The following PCDH1 variants were observed in gnomAD, a reference collection of about 807,000 sequenced individuals.
PCDH1 encodes protocadherin-1.
Under a neutral mutation model 74.6 loss-of-function variants are expected in PCDH1, and 23 were observed. The ratio of observed to expected loss-of-function variants is 0.31; its 90% confidence interval spans 0.22 to 0.44. The LOEUF (loss-of-function observed/expected upper bound fraction) is 0.44. Among genes scored for constraint, PCDH1 ranks in the 20% least tolerant of loss-of-function variants. The pLI is 1.00. For missense variants in PCDH1, 1,214 were observed against 1,641.4 expected (o/e 0.74, Z 4.50); for synonymous variants, 647 against 686.1 (o/e 0.94, Z 0.89).
rs1752957749 is a variant in PCDH1 at position 141,868,538 on chromosome 5, C to T, written c.903+31G>A. 7.9e-6 allele frequency: 12 copies of T among 1,518,020 alleles called. No homozygotes were observed. The highest frequency in any genetic ancestry group is 9.7e-6 in the Non-Finnish European group (11 of 1,135,202). The allele number at this position is 1,518,020 out of a possible 1,614,324, so 94.0% of individuals were successfully genotyped here. On this transcript the variant is annotated intron_variant, in intron 2 of 4. Coordinates refer to ENST00000287008, the MANE Select transcript of PCDH1 (RefSeq NM_032420.5). This position sits in a 1 kb window ranked among gnomAD's most constrained non-coding sequence, Gnocchi z 4.8. ...GGCTCCCATTTCTAGTGGTGGGTCA[C>T]CCTGACAGTTATACGGAGGGGGCCT...
At chr5:141,854,458 G>T in intron 4 of PCDH1, 22 bp from the exon 5 acceptor site, 1 of 1,576,618 alleles carries the variant, frequency 6.3e-7, no homozygotes, top group Non-Finnish European at 8.6e-7. Flanking sequence ...AGCGGGGAAG[G>T]ACAATTGTCA....
At chr5:141,875,064 C>G (rs986569464) in intron 1 of PCDH1, among the ~76,000 whole-genome samples, 1 of 152,192 alleles carries the variant, frequency 6.6e-6, no homozygotes, top group African/African-American at 2.4e-5. Flanking sequence ...TTTTCTGAAC[C>G]TGTTTCCATA....
chr5:141,858,397 A>T (rs1752442994), intron 3 of PCDH1, among the ~76,000 whole-genome samples: 1 of 152,156 alleles, frequency 6.6e-6, no homozygotes. Flanking sequence ...AGGGCATGGC[A>T]CCCATTAGGG....
In PCDH1 at chr5:141,869,100, C is replaced by G. The variant is rs747128533; in HGVS notation, c.372G>C (p.Gln124His). 37 of 1,613,730 alleles carry G rather than the reference C, an allele frequency of 2.3e-5. 1 individual carries two copies. The South Asian group carries it at 3.2e-4, about 14-fold the overall frequency. ...SIDREGLREC[Q>H]NQLPGDPCIL... ...TGCAGGGATCACCAGGGAGCTGGTT[C>G]TGGCATTCACGGAGCCCCTCACGGT... is the stretch of plus-strand genomic sequence containing the variant. The change falls in exon 2 of 5, where the codon CAG becomes CAC. Residue 124 changes from glutamine (Q) to histidine (H), a missense_variant. Physicochemically the swap from Gln to His is conservative, Grantham distance 24. Coordinates refer to ENST00000287008, the MANE Select transcript of PCDH1 (RefSeq NM_032420.5). This position sits in a 1 kb window ranked among gnomAD's most constrained non-coding sequence, Gnocchi z 4.9.
chr5:141,876,108 A>C (rs532742044), intron 1 of PCDH1, among the ~76,000 whole-genome samples: 1 of 152,080 alleles, frequency 6.6e-6, no homozygotes, highest in Non-Finnish European at 1.5e-5. Context: ...CTCCCAGAGG[A>C]CGCCGAGTGT....
chr5:141,856,398 T>C, intron 4 of PCDH1: 2 of 780,268 alleles, frequency 2.6e-6, no homozygotes, highest in Non-Finnish European at 4.3e-6. Context: ...GCCCTGTGCC[T>C]GAGGCAGGGG....
chr5:141,862,250 A>ACT (rs2126811636), intron 3 of PCDH1, among the ~76,000 whole-genome samples: 1 of 152,040 alleles, frequency 6.6e-6, no homozygotes, highest in East Asian at 1.9e-4. Context: ...GCTGAATGCT[A>ACT]CTCCCTACCA....
rs1753297940 is a variant in PCDH1 at position 141,878,381 on chromosome 5, C to G, written c.-119G>C. The G allele has an allele frequency of 5.6e-6, 4 of 711,432 alleles. No individual in the cohort carries two copies. Among genetic ancestry groups the G allele is most frequent in the Non-Finnish European group, 5.5e-6 (3 of 540,686 alleles). The allele number at this position is 711,432 out of a possible 1,614,324, so 44.1% of individuals were successfully genotyped here. On this transcript the variant is annotated 5_prime_UTR_variant, in exon 1 of 5. Coordinates refer to ENST00000287008, the MANE Select transcript of PCDH1 (RefSeq NM_032420.5). The surrounding 1 kb of genome is among the most constrained non-coding windows in gnomAD (Gnocchi z 5.5). ...GCGCAGCAGCCCGGCGGCTTTGCGT[C>G]CGCGCCGCGCTCCCGCTCCCCGAGT...
rs1426743145 is a variant in PCDH1, at chr5:141,864,558, G to A, written c.1773C>T (p.Ser591=). 1.2e-6 allele frequency: 2 copies of A among 1,613,874 alleles called. No homozygotes were observed. Among genetic ancestry groups the A allele is most frequent in the Non-Finnish European group, 1.7e-6 (2 of 1,180,034 alleles). Residue 591 remains serine, a synonymous_variant, in exon 3 of 5, where the codon AGC becomes AGT. Transcript: ENST00000287008. This position sits in a 1 kb window ranked among gnomAD's most constrained non-coding sequence, Gnocchi z 5.9. ...KVVAADRGSP[S]LQGTATVLVN... is the part of the protein sequence containing the mutation. ...CAAGGACAGTGGCTGTGCCCTGGAG[G>A]CTAGGACTGCCCCGGTCAGCTGCCA...
chr5:141,863,742 G>GGCCACCACACCA lies in PCDH1; in HGVS notation c.2577_2588dup (p.Gly860_Ala863dup). ...CCGCCAGGGCGATGAGCAAGGCCAC[G>GGCCACCACACCA]GCCACCACACCAGCCACCACACCAA... On this transcript the variant is annotated inframe_insertion, in exon 3 of 5. Coordinates refer to ENST00000287008, the MANE Select transcript of PCDH1 (RefSeq NM_032420.5). This position sits in a 1 kb window ranked among gnomAD's most constrained non-coding sequence, Gnocchi z 7.5. The GGCCACCACACCA allele has an allele frequency of 6.2e-7, 1 of 1,614,176 alleles. No individual in the cohort carries two copies. Among genetic ancestry groups the GGCCACCACACCA allele is most frequent in the Non-Finnish European group, 8.5e-7 (1 of 1,180,030 alleles).
rs989994247 is a variant in PCDH1 at position 141,868,762 on chromosome 5, T to G, written c.710A>C (p.Asn237Thr). Residue 237 changes from asparagine to threonine, a missense_variant, in exon 2 of 5, where the codon AAC becomes ACC. By Grantham distance (65) the Asn-to-Thr change is moderately conservative. Around this residue, in one of 4 missense-constraint regions of PCDH1, gnomAD observed 836 missense variants for 1,182.2 expected, o/e 0.71. Transcript: ENST00000287008. This position sits in a 1 kb window ranked among gnomAD's most constrained non-coding sequence, Gnocchi z 4.8. ...EKQPQLIVMGNLDRERWDSYD... is the reference protein window; with the variant it reads ...EKQPQLIVMGTLDRERWDSYD... ...GGAGTCCCAGCGCTCACGGTCCAGG[T>G]TGCCCATCACAATGAGCTGTGGTTG... The G allele has an allele frequency of 8.1e-6, 13 of 1,614,080 alleles. No individual in the cohort carries two copies. In the Admixed American group the frequency reaches 2.2e-4, roughly 27 times the overall value.
intron 2 of PCDH1, among the ~76,000 whole-genome samples, chr5:141,866,560 C>A (rs1465802892): frequency 6.6e-6 from 1 of 152,114 alleles, no homozygotes; most frequent in South Asian, 2.1e-4. Flanking sequence ...ATAAGCATAA[C>A]TTGGCAGAGT....
In PCDH1 at chr5:141,865,237, T is replaced by C. The variant is rs758798134; in HGVS notation, c.1094A>G (p.Asn365Ser). 9 of 1,614,148 alleles carry C rather than the reference T, an allele frequency of 5.6e-6. No homozygotes were observed. The highest frequency in any genetic ancestry group is 2.2e-5 in the East Asian group (1 of 44,880). The stretch of plus-strand genomic sequence containing the variant: ...CACCTGGGCACGGGCACTCTTGGGG[T>C]TGGTGCCTCGGTCCTTAGCAAGCAC... ...FSVLAKDRGT[N>S]PKSARAQVVV... The change falls in exon 3 of 5, where the codon AAC (asparagine) becomes AGC (serine). Residue 365 changes from asparagine (N) to serine (S), a missense_variant. Physicochemically the swap from Asn to Ser is conservative, Grantham distance 46. Around this residue, in one of 4 missense-constraint regions of PCDH1, gnomAD observed 836 missense variants for 1,182.2 expected, o/e 0.71. Coordinates refer to ENST00000287008, the MANE Select transcript of PCDH1 (RefSeq NM_032420.5). This position sits in a 1 kb window ranked among gnomAD's most constrained non-coding sequence, Gnocchi z 4.4.
At chr5:141,857,522 C>A in intron 3 of PCDH1, 51 bp from the exon 4 acceptor site, 1 of 1,501,372 alleles carries the variant, frequency 6.7e-7, no homozygotes, top group Non-Finnish European at 9.1e-7. Context: ...CCCACAGGGC[C>A]CACCACCATA....
intron 1 of PCDH1, among the ~76,000 whole-genome samples, chr5:141,875,524 C>A (rs11952850): frequency 1.3e-5 from 2 of 151,802 alleles, no homozygotes; most frequent in African/African-American, 2.4e-5. Flanking sequence ...ACCCTCGCGG[C>A]CCCCTCCTGG....
At chr5:141,856,187 C>CCCACAGA in intron 4 of PCDH1, 1 of 1,532,432 alleles carries the variant, frequency 6.5e-7, no homozygotes, top group South Asian at 1.2e-5. Context: ...TGGGCAGAGT[C>CCCACAGA]CCACAGACCC....
intron 1 of PCDH1, among the ~76,000 whole-genome samples, chr5:141,870,356 G>A (rs886107888): frequency 4.6e-5 from 7 of 152,178 alleles, no homozygotes; most frequent in Admixed American, 2.6e-4. Flanking sequence ...GCTGCCATGG[G>A]CAGGTGCGTA....
intron 3 of PCDH1, among the ~76,000 whole-genome samples, chr5:141,861,172 T>C (rs1199099470): frequency 1.3e-5 from 2 of 149,406 alleles, no homozygotes; most frequent in South Asian, 2.1e-4. Context: ...AGTAGTTTCA[T>C]GGAATAAGTT....
At position 141,869,011 on chromosome 5, in the gene PCDH1, C is replaced by A; in HGVS notation, c.461G>T (p.Gly154Val). ...VQNGSPRLLE[G>V]QIEVQDINDN... ...ATTGATGTCTTGTACTTCTATCTGG[C>A]CCTCTAGCAGCCGGGGGCTGCCATT... is the stretch of plus-strand genomic sequence containing the variant. Residue 154 changes from glycine (G) to valine (V), a missense_variant, in exon 2 of 5, where the codon GGC becomes GTC. Physicochemically the swap from Gly to Val is moderately radical, Grantham distance 109. Coordinates refer to ENST00000287008, the MANE Select transcript of PCDH1 (RefSeq NM_032420.5). The surrounding 1 kb of genome is among the most constrained non-coding windows in gnomAD (Gnocchi z 4.9). 1.1e-5 allele frequency: 17 copies of A among 1,614,152 alleles called. No individual in the cohort carries two copies. The highest frequency in any genetic ancestry group is 1.4e-5 in the Non-Finnish European group (17 of 1,180,024).
Sources: gnomAD v4.1 joint callset for allele counts (sites outside exome capture counted in the v4.1 genomes callset) on GRCh38, gnomAD v4.1.1 for gene constraint, gnomAD v4.1.1 regional missense constraint, Gnocchi (gnomAD v3.1) non-coding constraint, MANE v1.5 for transcripts, NCBI Gene and HGNC (gene_info 2026-07-23, HGNC 2026-07-21) for gene names.